HDAC2: variants seen among roughly 807,000 people sequenced by gnomAD.
HDAC2 encodes the protein histone deacetylase 2.
In HDAC2, 5 loss-of-function variants were observed where a neutral mutation model predicts 68.5. The observed-to-expected ratio is 0.07, with a 90% confidence interval of 0.04 to 0.15. The LOEUF (loss-of-function observed/expected upper bound fraction) is 0.15, where lower values mean the gene tolerates loss of function less well. HDAC2 is among the 10% of genes least tolerant of loss of function. HDAC2 has a pLI of 1.00. For missense variants in HDAC2, 291 were observed against 600.8 expected (o/e 0.48, Z 5.39); for synonymous variants, 182 against 191.3 (o/e 0.95, Z 0.40).
chr6:113,943,804 T>C (rs1776201833), intron 11 of HDAC2, among the ~76,000 whole-genome samples: 1 of 152,160 alleles, frequency 6.6e-6, no homozygotes, highest in Non-Finnish European at 1.5e-5. Flanking sequence ...GGGATGGGAA[T>C]AATGTCATTA....
intron 1 of HDAC2, among the ~76,000 whole-genome samples, chr6:113,967,079 G>A (rs1044801932): frequency 6.6e-6 from 1 of 152,152 alleles, no homozygotes; most frequent in African/African-American, 2.4e-5. Flanking sequence ...TCTGACAATC[G>A]TTGGCTGCCA....
rs1384908314 is a variant in HDAC2 at position 113,940,034 on chromosome 6, T to G, written c.*1024A>C. 6.6e-6 allele frequency: 1 copy of G among 152,236 alleles called. No homozygotes were observed. 9.4% of individuals were successfully genotyped at this position (152,236 alleles called of 1,614,324 possible). On this transcript the variant is annotated 3_prime_UTR_variant, in exon 14 of 14. Transcript: ENST00000519065. Reference sequence around the variant, plus strand: ...TGGCAAGTTCCTAAAATGTTTTGTCTTCTTTGCACATCTTAGTAGCAGGAG... The same window carrying G: ...TGGCAAGTTCCTAAAATGTTTTGTCGTCTTTGCACATCTTAGTAGCAGGAG...
chr6:113,956,866 G>C, intron 3 of HDAC2, 173 bp from the exon 4 acceptor site: 4 of 541,662 alleles, frequency 7.4e-6, no homozygotes, highest in Middle Eastern at 4.9e-4. Flanking sequence ...TTTTATCCAA[G>C]GTAATTAAAG....
intron 2 of HDAC2, 44 bp downstream of exon 2, chr6:113,959,862 A>C (rs746718029): frequency 4.8e-6 from 4 of 827,108 alleles, no homozygotes; most frequent in Non-Finnish European, 8.0e-6. Context: ...CTAAAAAAAA[A>C]TAAAAAAGAT....
At chr6:113,966,013 C>G (rs1210804166) in intron 1 of HDAC2, among the ~76,000 whole-genome samples, 1 of 152,082 alleles carries the variant, frequency 6.6e-6, no homozygotes, top group Admixed American at 6.6e-5. Context: ...TGTTTGGTAG[C>G]AGAGGAAACA....
At chr6:113,956,370 A>C in intron 4 of HDAC2, 1 of 568,076 alleles carries the variant, frequency 1.8e-6, no homozygotes, top group Non-Finnish European at 3.1e-6. Context: ...GGAAAGTGGT[A>C]GTAACAATGA....
At chr6:113,952,352 GA>G (rs1776440016) in intron 6 of HDAC2, among the ~76,000 whole-genome samples, 1 of 152,166 alleles carries the variant, frequency 6.6e-6, no homozygotes, top group African/African-American at 2.4e-5. Flanking sequence ...TGTAAGTATG[GA>G]AAAGTTTCAG....
In HDAC2 at chr6:113,943,210, ATG is replaced by A. The variant is rs200147165; in HGVS notation, c.1378+139_1378+140del. ...GCTTTAAGAGCTAAGTACCACTTATATGTAAGAAAAAAGAGTCACCTACCTAG... is the reference window on the plus strand; with the variant it reads ...GCTTTAAGAGCTAAGTACCACTTATATAAGAAAAAAGAGTCACCTACCTAG... On this transcript the variant is annotated intron_variant, in intron 12 of 13. Transcript: ENST00000519065. The A allele has an allele frequency of 4.4e-3, 2,679 of 614,300 alleles. 28 individuals are homozygous for A. The highest frequency in any genetic ancestry group is 0.034 in the African/African-American group (1,799 of 53,516). 38.1% of individuals were successfully genotyped at this position (614,300 alleles called of 1,614,324 possible).
chr6:113,958,831 A>T, intron 2 of HDAC2, 65 bp from the exon 3 acceptor site: 7 of 923,982 alleles, frequency 7.6e-6, no homozygotes, highest in South Asian at 7.1e-5. Context: ...TTATCAAACA[A>T]ATATACAAAT....
intron 4 of HDAC2, 23 bp from the exon 5 acceptor site, chr6:113,956,174 A>G: frequency 6.4e-6 from 10 of 1,570,072 alleles, no homozygotes; most frequent in Non-Finnish European, 8.6e-6. Context: ...AACAAGATAG[A>G]CCTTTTAAAC....
At chr6:113,960,755 C>T (rs1016132046) in intron 1 of HDAC2, among the ~76,000 whole-genome samples, 30 of 152,008 alleles carry the variant, frequency 2.0e-4, no homozygotes, top group Admixed American at 6.5e-5. Flanking sequence ...TTAGGTAAAG[C>T]TCCAGTGTTT....
chr6:113,964,361 C>A (rs888315084), intron 1 of HDAC2, among the ~76,000 whole-genome samples: 2 of 152,118 alleles, frequency 1.3e-5, no homozygotes, highest in Non-Finnish European at 2.9e-5. Context: ...ATCTTTAATA[C>A]ATATTTCAAG....
rs1261869770 is a variant in HDAC2 at position 113,946,155 on chromosome 6, CAAG to C, written c.842-10_842-8del. 1 of 1,607,368 alleles carries C rather than the reference CAAG, an allele frequency of 6.2e-7. No individual in the cohort carries two copies. The highest frequency in any genetic ancestry group is 1.7e-5 in the Admixed American group (1 of 59,280). On this transcript the variant is annotated splice_polypyrimidine_tract_variant and splice_region_variant and intron_variant, in intron 8 of 13. Coordinates refer to ENST00000519065, the MANE Select transcript of HDAC2 (RefSeq NM_001527.4). The stretch of plus-strand genomic sequence containing the variant: ...TCTACACATTTAGCATGACCTAAGA[CAAG>C]AAGATTTGGGTAACAACAAAATCTG...
chr6:113,951,514 C>T (rs1022869846), intron 6 of HDAC2, among the ~76,000 whole-genome samples: 1 of 143,726 alleles, frequency 7.0e-6, no homozygotes, highest in African/African-American at 2.6e-5. Context: ...GTCGCCCAGG[C>T]TGGAGTGCAG....
chr6:113,959,406 C>T (rs1776628111), intron 2 of HDAC2, among the ~76,000 whole-genome samples: 1 of 151,940 alleles, frequency 6.6e-6, no homozygotes, highest in Non-Finnish European at 1.5e-5. Context: ...ATACCCTCAT[C>T]TTTATCTACA....
At chr6:113,970,357 G>C in intron 1 of HDAC2, 1 of 625,512 alleles carries the variant, frequency 1.6e-6, no homozygotes, top group Non-Finnish European at 2.0e-6. Flanking sequence ...AGGAGGGAAG[G>C]GGACGGGAGG....
intron 6 of HDAC2, chr6:113,949,470 AAGCATACAAG>A: frequency 1.8e-6 from 1 of 551,594 alleles, no homozygotes; most frequent in Non-Finnish European, 3.2e-6. Context: ...ACTGCTTGTA[AAGCATACAAG>A]AACCATTTTC....
chr6:113,950,363 T>TG (rs1473444520), intron 6 of HDAC2, among the ~76,000 whole-genome samples: 2 of 151,744 alleles, frequency 1.3e-5, no homozygotes, highest in Non-Finnish European at 2.9e-5. Context: ...ACCAAAGGAT[T>TG]GGGGTGTGCC....
chr6:113,960,184 C>G, intron 1 of HDAC2, 166 bp from the exon 2 acceptor site: 2 of 613,058 alleles, frequency 3.3e-6, no homozygotes, highest in Non-Finnish European at 5.8e-6. Context: ...TATCAGATGA[C>G]TAAGACGCTA....
Sources: allele counts gnomAD v4.1 joint callset (sites outside exome capture counted in the v4.1 genomes callset), GRCh38; gene constraint gnomAD v4.1.1; transcripts MANE v1.5; gene names NCBI Gene and HGNC (gene_info 2026-07-23, HGNC 2026-07-21).